Variants in CNTNAP2 observed in about 807,000 individuals in gnomAD.
CNTNAP2 encodes the protein contactin-associated protein-like 2.
In CNTNAP2, 98 loss-of-function variants were observed where a neutral mutation model predicts 155.2. The ratio of observed to expected loss-of-function variants is 0.63; its 90% CI spans 0.54 to 0.75. The LOEUF is 0.75. CNTNAP2 is among the 30% of genes least tolerant of loss of function. CNTNAP2 has a pLI of 0.00. For missense variants in CNTNAP2, 1,727 were observed against 1,688.1 expected, an observed-to-expected ratio of 1.02 and a Z score of -0.40; for synonymous variants, 651 against 631.2, an observed-to-expected ratio of 1.03 and a Z score of -0.47.
chr7:146,469,812 G>A (rs187033211), intron 1 of CNTNAP2, among the ~76,000 whole-genome samples: 173 of 150,482 alleles, frequency 1.1e-3, no homozygotes, highest in African/African-American at 3.9e-3. Flanking sequence ...TTACAGGCGT[G>A]AGCCACCAAC....
chr7:148,030,679 T>A (rs1297204014), intron 15 of CNTNAP2, among the ~76,000 whole-genome samples: 1 of 151,784 alleles, frequency 6.6e-6, no homozygotes, highest in East Asian at 1.9e-4. Flanking sequence ...CTTTTTTTTT[T>A]TTTTTTTGGC....
At chr7:147,798,765 G>A (rs1331913738) in intron 13 of CNTNAP2, among the ~76,000 whole-genome samples, 1 of 152,156 alleles carries the variant, frequency 6.6e-6, no homozygotes, top group Admixed American at 6.5e-5. Flanking sequence ...TGGATGTAGG[G>A]ATAAAGGTAT....
chr7:146,474,288 TAATATA>T (rs1294475180), intron 1 of CNTNAP2, among the ~76,000 whole-genome samples: 3 of 148,974 alleles, frequency 2.0e-5, no homozygotes, highest in African/African-American at 2.4e-5. Flanking sequence ...TTCATTTATA[TAATATA>T]AATATAAATA....
intron 13 of CNTNAP2, among the ~76,000 whole-genome samples, chr7:147,822,655 C>T (rs983580530): frequency 1.3e-5 from 2 of 152,062 alleles, no homozygotes; most frequent in East Asian, 1.9e-4. Context: ...TGACTGATTC[C>T]ACTGCATCAT....
intron 13 of CNTNAP2, among the ~76,000 whole-genome samples, chr7:147,674,315 C>A (rs141532587): frequency 1.9e-3 from 286 of 152,252 alleles, no homozygotes; most frequent in African/African-American, 6.4e-3. Flanking sequence ...AGTTTCATCT[C>A]TCCTTAGAGA....
intron 13 of CNTNAP2, among the ~76,000 whole-genome samples, chr7:147,641,752 G>A (rs932466373): frequency 2.0e-5 from 3 of 152,060 alleles, no homozygotes; most frequent in African/African-American, 7.2e-5. Flanking sequence ...GCAGCCACCT[G>A]TAAGCCAGGA....
At chr7:147,969,096 G>A (rs955426525) in intron 14 of CNTNAP2, among the ~76,000 whole-genome samples, 1 of 152,140 alleles carries the variant, frequency 6.6e-6, no homozygotes, top group South Asian at 2.1e-4. Context: ...AAAATGTCTT[G>A]CTCTATATGG....
rs187504160 is a variant in CNTNAP2, at chr7:147,824,209, G to A, written c.2099-79356G>A. 2.1e-3 allele frequency among the ~76,000 whole-genome samples: 327 copies of A among 152,198 alleles called. 3 individuals carry two copies. Among genetic ancestry groups the A allele is most frequent in the Non-Finnish European group, 1.1e-3 (77 of 68,018 alleles). On this transcript the variant is annotated intron_variant, in intron 13 of 23. Transcript: ENST00000361727. ...CAAAAGGCTGAAATAATATTTTTCC[G>A]GTTTCTGGAATTCTTAAGCTTGCAT... is the stretch of plus-strand genomic sequence containing the variant.
At chr7:146,821,737 G>T (rs933862807) in intron 2 of CNTNAP2, among the ~76,000 whole-genome samples, 1 of 151,970 alleles carries the variant, frequency 6.6e-6, no homozygotes, top group African/African-American at 2.4e-5. Flanking sequence ...ATCATCACTG[G>T]CCATCAGAGA....
intron 1 of CNTNAP2, among the ~76,000 whole-genome samples, chr7:146,259,278 G>T (rs1410382909): frequency 6.6e-6 from 1 of 152,102 alleles, no homozygotes; most frequent in African/African-American, 2.4e-5. Flanking sequence ...ACAGAGAATT[G>T]GTACCGAGAG....
At chr7:148,366,428 TA>T (rs1227843080) in intron 21 of CNTNAP2, among the ~76,000 whole-genome samples, 1 of 152,138 alleles carries the variant, frequency 6.6e-6, no homozygotes, top group African/African-American at 2.4e-5. Flanking sequence ...CCACCTGGCA[TA>T]CAATAGATAC....
intron 16 of CNTNAP2, among the ~76,000 whole-genome samples, chr7:148,136,917 A>G (rs779091245): frequency 6.6e-6 from 1 of 152,204 alleles, no homozygotes; most frequent in Non-Finnish European, 1.5e-5. Context: ...CAAGAAAGTT[A>G]TATTTTCAGC....
chr7:147,911,762 A>G (rs930641147), intron 14 of CNTNAP2, among the ~76,000 whole-genome samples: 9 of 152,128 alleles, frequency 5.9e-5, no homozygotes, highest in African/African-American at 9.7e-5. Context: ...AGTTTTGCCT[A>G]TTTTGTAGCA....
chr7:146,746,075 G>A (rs1801805482), intron 1 of CNTNAP2, among the ~76,000 whole-genome samples: 4 of 152,142 alleles, frequency 2.6e-5, no homozygotes, highest in South Asian at 2.1e-4. Flanking sequence ...GTGTTCCATC[G>A]TTCTCCAAAA....
chr7:146,398,013 T>C (rs1284944788), intron 1 of CNTNAP2, among the ~76,000 whole-genome samples: 1 of 151,460 alleles, frequency 6.6e-6, no homozygotes, highest in African/African-American at 2.4e-5. Flanking sequence ...AGCTGGGACT[T>C]CAGGCACACG....
intron 8 of CNTNAP2, among the ~76,000 whole-genome samples, chr7:147,248,809 AC>A (rs1423865890): frequency 1.3e-5 from 2 of 152,208 alleles, no homozygotes; most frequent in East Asian, 3.8e-4. Context: ...ATGGGATAGA[AC>A]TTTGCATATT....
intron 13 of CNTNAP2, 75 bp from the exon 14 acceptor site, chr7:147,903,490 A>T: frequency 6.8e-7 from 1 of 1,463,878 alleles, no homozygotes; most frequent in Non-Finnish European, 9.6e-7. Context: ...ATTCCTGGGG[A>T]AGTGGGTGTA....
intron 15 of CNTNAP2, among the ~76,000 whole-genome samples, chr7:148,117,809 A>G (rs1231221999): frequency 1.3e-5 from 2 of 150,596 alleles, no homozygotes; most frequent in Non-Finnish European, 3.0e-5. Context: ...ATTGTTTATC[A>G]TAAATATTAT....
chr7:146,176,765 C>A (rs1562978291), intron 1 of CNTNAP2, among the ~76,000 whole-genome samples: 1 of 152,112 alleles, frequency 6.6e-6, no homozygotes, highest in African/African-American at 2.4e-5. Context: ...AATGTGTAAG[C>A]AAATTTGCCA....
Sources: allele counts gnomAD v4.1 joint callset (sites outside exome capture counted in the v4.1 genomes callset), GRCh38; gene constraint gnomAD v4.1.1; transcripts MANE v1.5; gene names NCBI Gene and HGNC (gene_info 2026-07-23, HGNC 2026-07-21).